Variants in CEP350 observed in about 807,000 individuals in gnomAD.
CEP350 encodes centrosomal protein 350, also known as centrosome-associated protein 350.
Under a neutral mutation model 331.8 loss-of-function variants are expected in CEP350, and 126 were observed. The observed-to-expected ratio is 0.38, with a 90% CI of 0.33 to 0.44. CEP350 has a LOEUF of 0.44. Ranked by LOEUF, CEP350 falls within the 20% of genes least tolerant of loss-of-function variation. The probability of loss-of-function intolerance (pLI) is 1.00; values close to 1 mark genes in which losing one functional copy is unlikely to be tolerated. For missense variants in CEP350, 3,406 were observed against 3,634.6 expected (o/e 0.94, Z 1.62); for synonymous variants, 1,200 against 1,259.5 (o/e 0.95, Z 1.00).
At chr1:180,036,712 C>A (rs543674986) in intron 16 of CEP350, among the ~76,000 whole-genome samples, 1 of 152,176 alleles carries the variant, frequency 6.6e-6, no homozygotes, top group Non-Finnish European at 1.5e-5. Flanking sequence ...ACTGGTAAAC[C>A]AAAAAATTTG....
intron 2 of CEP350, among the ~76,000 whole-genome samples, chr1:179,986,778 G>A (rs546191521): frequency 2.0e-5 from 3 of 152,268 alleles, no homozygotes; most frequent in Admixed American, 2.0e-4. Flanking sequence ...GAAAATACAC[G>A]ACCTTAAACT....
intron 32 of CEP350, among the ~76,000 whole-genome samples, chr1:180,089,550 C>G (rs12125592): frequency 0.084 from 12,656 of 150,564 alleles, 693 homozygotes; most frequent in Non-Finnish European, 0.12. Flanking sequence ...GCCATTGCAC[C>G]CCAGCCTGGG....
chr1:180,071,031 C>T (rs1658848498), intron 27 of CEP350, among the ~76,000 whole-genome samples: 1 of 151,326 alleles, frequency 6.6e-6, no homozygotes, highest in East Asian at 1.9e-4. Flanking sequence ...GCCTGTAATC[C>T]CAGCTACTTG....
chr1:179,960,374 C>T (rs1650512750), intron 1 of CEP350, among the ~76,000 whole-genome samples: 1 of 152,082 alleles, frequency 6.6e-6, no homozygotes, highest in African/African-American at 2.4e-5. Context: ...ATTTTTTTCT[C>T]ATCAAAATTG....
intron 7 of CEP350, among the ~76,000 whole-genome samples, chr1:180,004,873 G>GCTTGCTTGCTTGCTTGCTT (rs1654108990): frequency 2.4e-4 from 24 of 100,610 alleles, no homozygotes; most frequent in African/African-American, 7.8e-4. Flanking sequence ...CAGGCTGGCT[G>GCTTGCTTGCTTGCTTGCTT]GCTTGCTTGC....
At chr1:179,966,657 T>TA (rs1359971244) in intron 1 of CEP350, among the ~76,000 whole-genome samples, 1 of 152,192 alleles carries the variant, frequency 6.6e-6, no homozygotes, top group African/African-American at 2.4e-5. Context: ...TATTATCATT[T>TA]ATACTAATTT....
chr1:180,034,389 GAAGTA>G (rs1279974287), intron 16 of CEP350, among the ~76,000 whole-genome samples: 37 of 152,042 alleles, frequency 2.4e-4, no homozygotes, highest in African/African-American at 8.7e-4. Context: ...CACACACATA[GAAGTA>G]AAGTACATTG....
In CEP350 at chr1:180,095,733, C is replaced by G. The variant is rs1173326633; in HGVS notation, c.8722C>G (p.Gln2908Glu). ...LMAEPKRVTQ[Q>E]PCETLLAVPH... Reference sequence around the variant, plus strand: ...GGCAGAACCTAAAAGAGTAACCCAACAACCATGTGAAACATTATTGGCAGT... The same window carrying G: ...GGCAGAACCTAAAAGAGTAACCCAAGAACCATGTGAAACATTATTGGCAGT... The change falls in exon 35 of 38, where the codon CAA becomes GAA. Residue 2908 changes from glutamine (Q) to glutamate (E), a missense_variant. Around this residue, in one of 5 missense-constraint regions of CEP350, gnomAD observed 1,415 missense variants for 1,512.3 expected, o/e 0.94. Transcript: ENST00000367607. 1 of 1,613,966 alleles carries G rather than the reference C, an allele frequency of 6.2e-7. No individual in the cohort carries two copies. Among genetic ancestry groups the G allele is most frequent in the East Asian group, 2.2e-5 (1 of 44,878 alleles).
intron 25 of CEP350, among the ~76,000 whole-genome samples, chr1:180,055,864 A>T (rs1445606819): frequency 6.6e-6 from 1 of 152,118 alleles, no homozygotes; most frequent in Non-Finnish European, 1.5e-5. Flanking sequence ...TTTTTTAAAA[A>T]ATAAGTTGTG....
Position 180,040,076 on chromosome 1 carries a change from G to A in CEP350, c.4111-1062G>A, listed in dbSNP as rs189218658. 6.3e-4 allele frequency among the ~76,000 whole-genome samples: 94 copies of A among 150,378 alleles called. 1 individual carries two copies. In the East Asian group the frequency reaches 0.014, roughly 23 times the overall value. On this transcript the variant is annotated intron_variant, in intron 17 of 37. Coordinates refer to ENST00000367607, the MANE Select transcript of CEP350 (RefSeq NM_014810.5). ...TCCATTTGTTCTTCCCAAAAGACCCGTCAGACAGTTCTTGGTGTGGGACTG... is the reference window on the plus strand; with the variant it reads ...TCCATTTGTTCTTCCCAAAAGACCCATCAGACAGTTCTTGGTGTGGGACTG...
chr1:180,055,636 C>T (rs917085429), intron 25 of CEP350, among the ~76,000 whole-genome samples: 8 of 149,946 alleles, frequency 5.3e-5, no homozygotes, highest in Non-Finnish European at 1.5e-5. Flanking sequence ...CTGCAAGCTC[C>T]GCCTCCCAGG....
At position 180,111,981 on chromosome 1, in the gene CEP350, AG is replaced by A. The variant is rs955052407; in HGVS notation, c.*822del. 1.3e-5 allele frequency: 2 copies of A among 152,562 alleles called. No individual in the cohort carries two copies. The highest frequency in any genetic ancestry group is 4.8e-5 in the African/African-American group (2 of 41,426). The allele number at this position is 152,562 out of a possible 1,614,324, so 9.5% of individuals were successfully genotyped here. On this transcript the variant is annotated 3_prime_UTR_variant, in exon 38 of 38. Transcript: ENST00000367607. ...AATCACAGATACTCAGGACCATCTC[AG>A]GCATCCAGGCATGGCAAAGTGGAAA...
chr1:180,044,243 C>T, intron 21 of CEP350, 70 bp downstream of exon 21: 1 of 1,366,124 alleles, frequency 7.3e-7, no homozygotes, highest in Non-Finnish European at 9.7e-7. Flanking sequence ...ACATTGCTTT[C>T]TTTGATTTCT....
chr1:180,087,387 G>C, intron 31 of CEP350, 191 bp from the exon 32 acceptor site: 1 of 421,608 alleles, frequency 2.4e-6, no homozygotes. Context: ...CTTATATATA[G>C]ATTATTTTGA....
chr1:180,094,366 T>C lies in CEP350; in HGVS notation c.8261T>C (p.Leu2754Pro). Residue 2754 changes from leucine to proline, a missense_variant, in exon 34 of 38, where the codon CTG becomes CCG. Leu to Pro is a moderately conservative substitution (Grantham distance 98). This residue lies in a region of CEP350 where 1,415 missense variants were observed against 1,512.3 expected (regional missense o/e 0.94). Transcript: ENST00000367607. ...SKQQLEKISLLTDSLLKVFVK... is the reference protein window; with the variant it reads ...SKQQLEKISLPTDSLLKVFVK... ...CAACAACTGGAAAAAATCAGCTTAC[T>C]GACAGACAGTTTACTAAAAGTCTTT... 1.9e-6 allele frequency: 3 copies of C among 1,613,932 alleles called. No homozygotes were observed. The highest frequency in any genetic ancestry group is 2.5e-6 in the Non-Finnish European group (3 of 1,179,862).
intron 1 of CEP350, among the ~76,000 whole-genome samples, chr1:179,965,528 T>C (rs1309369622): frequency 6.6e-6 from 1 of 152,112 alleles, no homozygotes; most frequent in Non-Finnish European, 1.5e-5. Context: ...GATGTAAATT[T>C]CTTTTACAGA....
At chr1:179,984,301 G>C (rs2477112) in intron 1 of CEP350, among the ~76,000 whole-genome samples, 81,774 of 152,068 alleles carry the variant, frequency 0.54, 25,041 homozygotes, top group East Asian at 0.71. Flanking sequence ...CTGTATGTAA[G>C]GAATTTGGGA....
At chr1:179,974,004 C>T (rs1651651064) in intron 1 of CEP350, among the ~76,000 whole-genome samples, 1 of 151,798 alleles carries the variant, frequency 6.6e-6, no homozygotes, top group Admixed American at 6.6e-5. Flanking sequence ...ATTCATCCTT[C>T]CACTGGCAGC....
At chr1:180,005,802 A>T (rs1348046712) in intron 7 of CEP350, among the ~76,000 whole-genome samples, 2 of 152,018 alleles carry the variant, frequency 1.3e-5, no homozygotes. Flanking sequence ...TTCTTTTTAG[A>T]TACTAGGTAT....
Sources: gnomAD v4.1 joint callset for allele counts (sites outside exome capture counted in the v4.1 genomes callset) on GRCh38, gnomAD v4.1.1 for gene constraint, gnomAD v4.1.1 regional missense constraint, MANE v1.5 for transcripts, NCBI Gene and HGNC (gene_info 2026-07-23, HGNC 2026-07-21) for gene names.